The following PHYKPL variants were observed in gnomAD, a reference collection of about 807,000 sequenced individuals.
PHYKPL encodes the protein 5-phosphohydroxy-L-lysine phospho-lyase.
In PHYKPL, 42 loss-of-function variants were observed where a neutral mutation model predicts 51.3. The ratio of observed to expected loss-of-function variants is 0.82; its 90% CI spans 0.64 to 1.06. PHYKPL has a LOEUF of 1.06. PHYKPL is among the 50% of genes least tolerant of loss of function. The pLI is 0.00. For synonymous variants in PHYKPL, 264 were observed against 236.0 expected (o/e 1.12, Z -1.09); for missense variants, 655 against 586.6 (o/e 1.12, Z -1.20).
At chr5:178,210,453 C>T (rs1299532027) in intron 12 of PHYKPL, 4 of 1,484,420 alleles carry the variant, frequency 2.7e-6, no homozygotes, top group African/African-American at 2.8e-5. Flanking sequence ...GCAGTCTCTG[C>T]TGTCACGGCT....
At chr5:178,230,479 C>T (rs578009773) in intron 2 of PHYKPL, 1 of 184,418 alleles carries the variant, frequency 5.4e-6, no homozygotes, top group Admixed American at 5.6e-5. Flanking sequence ...ACCTCAGCCT[C>T]CTGAGCAGGT....
intron 12 of PHYKPL, chr5:178,211,003 C>T (rs981061131): frequency 1.6e-4 from 34 of 217,542 alleles, no homozygotes; most frequent in African/African-American, 9.3e-5. Flanking sequence ...ATATTATTTG[C>T]GTCATACATT....
At chr5:178,213,226 T>A in intron 10 of PHYKPL, 123 bp from the exon 11 acceptor site, 1 of 1,321,064 alleles carries the variant, frequency 7.6e-7, no homozygotes, top group Admixed American at 2.1e-5. Context: ...TCCTGCCAGG[T>A]CATTTTACTG....
intron 3 of PHYKPL, among the ~76,000 whole-genome samples, chr5:178,229,168 G>A (rs1762885614): frequency 2.0e-5 from 3 of 147,700 alleles, no homozygotes; most frequent in Non-Finnish European, 4.4e-5. Context: ...GTGCAGTGGT[G>A]CAATTTTGGC....
intron 8 of PHYKPL, among the ~76,000 whole-genome samples, chr5:178,217,874 A>G (rs1376913105): frequency 3.4e-5 from 5 of 148,922 alleles, no homozygotes; most frequent in African/African-American, 1.2e-4. Context: ...AAAAAAAAAA[A>G]GTCAATTGAG....
In PHYKPL at chr5:178,214,876, C is replaced by T; in HGVS notation, c.1092G>A (p.Gly364=). The change falls in exon 10 of 13, where the codon GGG becomes GGA. Residue 364 remains glycine, a synonymous_variant. Transcript: ENST00000308158. ...TGATCAGATCCACACCAATGAAGAG[C>T]CCAACACCCCTGCAAGGGAAGGTGA... ...HPIVGDVRGV[G]LFIGVDLIKD... The T allele has an allele frequency of 6.2e-7, 1 of 1,613,588 alleles. No individual in the cohort carries two copies. The highest frequency in any genetic ancestry group is 8.5e-7 in the Non-Finnish European group (1 of 1,179,984).
chr5:178,209,587 G>T (rs900238218), intron 12 of PHYKPL: 1 of 704,680 alleles, frequency 1.4e-6, no homozygotes, highest in Non-Finnish European at 2.5e-6. Flanking sequence ...GAATAGGAAC[G>T]GCTCTGGGTC....
chr5:178,231,834 C>T (rs1469571242), intron 1 of PHYKPL: 3 of 1,358,828 alleles, frequency 2.2e-6, no homozygotes, highest in East Asian at 4.5e-5. Context: ...AGGTGGCTGC[C>T]CCGTCCCATG....
Position 178,232,462 on chromosome 5 carries a change from CCCCCCGCCGCCCG to C in PHYKPL, c.59+17_59+29del. The C allele has an allele frequency of 7.4e-7, 1 of 1,358,556 alleles. No individual in the cohort carries two copies. Among genetic ancestry groups the C allele is most frequent in the Non-Finnish European group, 9.4e-7 (1 of 1,059,452 alleles). The allele number at this position is 1,358,556 out of a possible 1,614,324, so 84.2% of individuals were successfully genotyped here. On this transcript the variant is annotated intron_variant, in intron 1 of 12. Transcript: ENST00000308158. ...GCGTGCCTCTCCGCGCAGCCCCGCG[CCCCCCGCCGCCCG>C]CCCCCCGCCCGGGTACCTGATGAGC...
chr5:178,213,490 G>A (rs981511308), intron 10 of PHYKPL, among the ~76,000 whole-genome samples: 1 of 151,538 alleles, frequency 6.6e-6, no homozygotes, highest in African/African-American at 2.5e-5. Flanking sequence ...ATTGCAGTTG[G>A]TGTAATGAGC....
At chr5:178,210,438 G>T in intron 12 of PHYKPL, 2 of 1,510,760 alleles carry the variant, frequency 1.3e-6, no homozygotes, top group Non-Finnish European at 1.8e-6. Context: ...AATAACATGA[G>T]GAAGGCAGTC....
In PHYKPL at chr5:178,210,455, G is replaced by A. The variant is rs1189861026; in HGVS notation, c.*31+1435C>T. The A allele has an allele frequency of 4.7e-6, 7 of 1,491,970 alleles. No individual in the cohort carries two copies. In the Admixed American group the frequency reaches 1.1e-4, roughly 22 times the overall value. 92.4% of individuals were successfully genotyped at this position (1,491,970 alleles called of 1,614,324 possible). A position where few individuals can be genotyped will look rare whatever the true frequency, so the allele number is the denominator to read the frequency against. On this transcript the variant is annotated intron_variant, in intron 12 of 12. Transcript: ENST00000308158. ...TAACATGAGGAAGGCAGTCTCTGCT[G>A]TCACGGCTGGTGAGGGTCCTGGGAA...
At chr5:178,223,985 T>C (rs111778865) in intron 6 of PHYKPL, 14,890 of 182,354 alleles carry the variant, frequency 0.082, 828 homozygotes, top group Non-Finnish European at 0.11. Flanking sequence ...GTCTTAGCGC[T>C]CTCCTGCTTA....
At chr5:178,221,721 T>A (rs1761207468) in intron 8 of PHYKPL, among the ~76,000 whole-genome samples, 1 of 152,180 alleles carries the variant, frequency 6.6e-6, no homozygotes, top group African/African-American at 2.4e-5. Context: ...TGGATCAGTC[T>A]GCCTTCCTCC....
In PHYKPL at chr5:178,225,352, TACTGATCTAATACCACC is replaced by T; in HGVS notation, c.399_413+2del. 1 of 1,614,198 alleles carries T rather than the reference TACTGATCTAATACCACC, an allele frequency of 6.2e-7. No individual in the cohort carries two copies. The highest frequency in any genetic ancestry group is 1.1e-5 in the South Asian group (1 of 91,080). ...GAACGGTAGGGCTGTGAGTTGCACT[TACTGATCTAATACCACC>T]ACGTCCTGGTGTCCCGTGTAGTGGC... On this transcript the variant is annotated splice_donor_variant and coding_sequence_variant, in exon 4 of 13. Coordinates refer to ENST00000308158, the MANE Select transcript of PHYKPL (RefSeq NM_153373.4). LOFTEE classifies it high-confidence loss of function.
chr5:178,231,606 C>T (rs908477285), intron 1 of PHYKPL, 83 bp from the exon 2 acceptor site: 1 of 1,602,668 alleles, frequency 6.2e-7, no homozygotes, highest in Non-Finnish European at 8.5e-7. Context: ...CCGCCCACCC[C>T]TTCCCAGTTT....
At chr5:178,212,328 G>A (rs952939955) in intron 11 of PHYKPL, among the ~76,000 whole-genome samples, 3 of 152,254 alleles carry the variant, frequency 2.0e-5, no homozygotes, top group Admixed American at 6.5e-5. Flanking sequence ...GGGTAGCAGT[G>A]ATCACCCAGA....
intron 8 of PHYKPL, chr5:178,216,869 C>G (rs1340414151): frequency 2.0e-5 from 3 of 152,180 alleles, no homozygotes; most frequent in African/African-American, 7.2e-5. Flanking sequence ...AACCCCATCT[C>G]TACAAAAAAT....
intron 8 of PHYKPL, chr5:178,215,684 A>C: frequency 2.1e-6 from 1 of 486,572 alleles, no homozygotes; most frequent in South Asian, 3.0e-5. Context: ...CCTAGAAGAT[A>C]CAGAATCAGA....
Sources: gnomAD v4.1 joint callset for allele counts (sites outside exome capture counted in the v4.1 genomes callset) on GRCh38, gnomAD v4.1.1 for gene constraint, MANE v1.5 for transcripts, NCBI Gene and HGNC (gene_info 2026-07-23, HGNC 2026-07-21) for gene names.